Variants in CABLES1 observed in about 807,000 individuals in gnomAD.
CABLES1 encodes CDK5 and ABL1 enzyme substrate 1.
A neutral mutation model predicts 57.8 loss-of-function variants in CABLES1; 36 were observed. The observed-to-expected ratio is 0.62, with a 90% CI of 0.48 to 0.82. The LOEUF is 0.82. Among genes scored for constraint, CABLES1 ranks in the 40% least tolerant of loss-of-function variants. The pLI, the probability that CABLES1 is intolerant of heterozygous loss-of-function variation, is 0.00. For missense variants in CABLES1, 767 were observed against 836.6 expected (o/e 0.92, Z 1.03); for synonymous variants, 374 against 363.0 (o/e 1.03, Z -0.35).
At chr18:23,204,954 C>T (rs2145040964) in intron 3 of CABLES1, among the ~76,000 whole-genome samples, 1 of 152,356 alleles carries the variant, frequency 6.6e-6, no homozygotes, top group Non-Finnish European at 1.5e-5. Flanking sequence ...TGGGTGGGGA[C>T]ACAGCCAAAC....
intron 3 of CABLES1, among the ~76,000 whole-genome samples, chr18:23,198,407 A>G (rs528234152): frequency 1.2e-3 from 187 of 152,352 alleles, no homozygotes; most frequent in African/African-American, 4.3e-3. Flanking sequence ...AGAAATACAA[A>G]TAATCCTTGA....
intron 3 of CABLES1, among the ~76,000 whole-genome samples, chr18:23,212,187 A>G (rs2047409951): frequency 6.6e-6 from 1 of 152,246 alleles, no homozygotes; most frequent in South Asian, 2.1e-4. Context: ...GAGTCCATGG[A>G]CTAGGCTGGA....
intron 1 of CABLES1, among the ~76,000 whole-genome samples, chr18:23,182,951 A>G (rs1389720598): frequency 2.0e-5 from 3 of 152,220 alleles, no homozygotes; most frequent in Non-Finnish European, 4.4e-5. Context: ...GACACCTCCA[A>G]CAGAGCTGAG....
intron 7 of CABLES1, among the ~76,000 whole-genome samples, chr18:23,240,328 T>G (rs1474543502): frequency 6.6e-6 from 1 of 152,034 alleles, no homozygotes; most frequent in East Asian, 1.9e-4. Context: ...AAATAGATTT[T>G]TCTAACTGTA....
chr18:23,184,150 G>A (rs889109044), intron 1 of CABLES1, among the ~76,000 whole-genome samples: 3 of 152,124 alleles, frequency 2.0e-5, no homozygotes, highest in African/African-American at 7.2e-5. Context: ...TCTCTTCTTT[G>A]TCTCAGAATA....
At chr18:23,252,626 C>G (rs1208313983) in intron 7 of CABLES1, among the ~76,000 whole-genome samples, 3 of 152,158 alleles carry the variant, frequency 2.0e-5, no homozygotes, top group African/African-American at 7.2e-5. Flanking sequence ...ACATCCAAGC[C>G]CCACGCGCTT....
intron 4 of CABLES1, among the ~76,000 whole-genome samples, chr18:23,218,570 GCATCCTCACTTGCCCTGC>G (rs2047460916): frequency 1.4e-5 from 1 of 71,736 alleles, no homozygotes; most frequent in African/African-American, 7.3e-5. Context: ...CCTGCCTCCC[GCATCCTCACTTGCCCTGC>G]CTCCCGCATC....
chr18:23,228,911 T>A (rs1482867619), intron 4 of CABLES1, among the ~76,000 whole-genome samples: 2 of 152,164 alleles, frequency 1.3e-5, no homozygotes, highest in African/African-American at 4.8e-5. Flanking sequence ...AGAGAAGGAA[T>A]GACAACCTTG....
chr18:23,174,619 C>A (rs867820632), intron 1 of CABLES1, among the ~76,000 whole-genome samples: 9 of 151,438 alleles, frequency 5.9e-5, no homozygotes, highest in South Asian at 4.2e-4. Context: ...CTACAGGCAC[C>A]CACCACCACA....
Position 23,135,841 on chromosome 18 carries a change from G to T in CABLES1, c.79G>T (p.Gly27Ter). 1 of 985,586 alleles carries T rather than the reference G, an allele frequency of 1.0e-6. No individual in the cohort carries two copies. The highest frequency in any genetic ancestry group is 1.2e-6 in the Non-Finnish European group (1 of 828,044). The allele number at this position is 985,586 out of a possible 1,614,324, so 61.1% of individuals were successfully genotyped here. Residue 27 changes from glycine (G) to a stop codon, truncating the protein, a stop_gained, in exon 1 of 10, where the codon GGA becomes TGA. Coordinates refer to ENST00000256925, the MANE Select transcript of CABLES1 (RefSeq NM_001100619.3). LOFTEE classifies it high-confidence loss of function. ...CGGCACCGACGCCGCGGGCGCCAGC[G>T]GATTGCAGCAGCCGCCGCCGCAGCC... ...SAGTDAAGAS[G>*]LQQPPPQPQP...
At chr18:23,136,749 C>T (rs984139952) in intron 1 of CABLES1, 142 bp downstream of exon 1, 7 of 523,970 alleles carry the variant, frequency 1.3e-5, no homozygotes, top group Admixed American at 4.3e-5. Context: ...GCCCGAATCC[C>T]AAACCACGAG....
chr18:23,206,703 A>G (rs2047366010), intron 3 of CABLES1, among the ~76,000 whole-genome samples: 2 of 152,114 alleles, frequency 1.3e-5, no homozygotes, highest in Non-Finnish European at 2.9e-5. Context: ...TCCTATTTCA[A>G]CTGCAATTTT....
At chr18:23,242,933 C>T (rs994230822) in intron 7 of CABLES1, among the ~76,000 whole-genome samples, 16 of 151,864 alleles carry the variant, frequency 1.1e-4, no homozygotes, top group African/African-American at 3.9e-4. Flanking sequence ...GTAATTGACT[C>T]AATGAAAGAA....
intron 3 of CABLES1, among the ~76,000 whole-genome samples, chr18:23,199,294 A>G (rs1003051333): frequency 6.6e-6 from 1 of 152,016 alleles, no homozygotes; most frequent in Non-Finnish European, 1.5e-5. Context: ...AAAAAGTTAA[A>G]CATAAAATTA....
intron 3 of CABLES1, among the ~76,000 whole-genome samples, chr18:23,195,807 A>G (rs1419164310): frequency 6.6e-6 from 1 of 152,164 alleles, no homozygotes; most frequent in Non-Finnish European, 1.5e-5. Context: ...TGCTTTATTT[A>G]ACCATTGCTA....
chr18:23,256,111 T>G (rs1276704554), intron 9 of CABLES1, among the ~76,000 whole-genome samples: 1 of 152,194 alleles, frequency 6.6e-6, no homozygotes, highest in African/African-American at 2.4e-5. Context: ...TAACTCAAGG[T>G]CTCATCCCAG....
chr18:23,254,042 T>TCC, intron 9 of CABLES1, 106 bp downstream of exon 9: 6 of 901,110 alleles, frequency 6.7e-6, no homozygotes, highest in Non-Finnish European at 1.1e-5. Flanking sequence ...TTCTGATCCT[T>TCC]AGTCAGCAAT....
At chr18:23,159,369 C>T (rs879336075) in intron 1 of CABLES1, among the ~76,000 whole-genome samples, 1 of 152,174 alleles carries the variant, frequency 6.6e-6, no homozygotes, top group Non-Finnish European at 1.5e-5. Context: ...TGAGTATTTG[C>T]CCTGTTGTCT....
intron 3 of CABLES1, among the ~76,000 whole-genome samples, chr18:23,200,230 C>T (rs2047313798): frequency 6.6e-6 from 1 of 151,546 alleles, no homozygotes; most frequent in Non-Finnish European, 1.5e-5. Flanking sequence ...GATTGCCTTA[C>T]AGTGGAAAAA....
Sources: gnomAD v4.1 joint callset for allele counts (sites outside exome capture counted in the v4.1 genomes callset) on GRCh38, gnomAD v4.1.1 for gene constraint, MANE v1.5 for transcripts, NCBI Gene and HGNC (gene_info 2026-07-23, HGNC 2026-07-21) for gene names.